The following ATP6V1E1 variants were observed in gnomAD, a reference collection of about 807,000 sequenced individuals.
ATP6V1E1 encodes ATPase H+ transporting V1 subunit E1, also known as V-type proton ATPase subunit E 1.
In ATP6V1E1, 21 loss-of-function variants were observed where a neutral mutation model predicts 35.2. The observed-to-expected ratio is 0.60, with a 90% CI of 0.42 to 0.86. The LOEUF is 0.86. ATP6V1E1 is among the 40% of genes least tolerant of loss of function. The pLI, the probability that ATP6V1E1 is intolerant of heterozygous loss-of-function variation, is 0.00. For missense variants in ATP6V1E1, 183 were observed against 272.6 expected (o/e 0.67, Z 2.32); for synonymous variants, 83 against 87.8 (o/e 0.95, Z 0.30).
At chr22:17,600,245 G>A in intron 5 of ATP6V1E1, 150 bp from the exon 6 acceptor site, 1 of 629,878 alleles carries the variant, frequency 1.6e-6, no homozygotes, top group South Asian at 2.1e-5. Context: ...GACCAGCCTA[G>A]GCAACAAGGC....
chr22:17,605,269 G>A (rs112155592), intron 4 of ATP6V1E1, among the ~76,000 whole-genome samples: 16,399 of 149,286 alleles, frequency 0.11, 1,060 homozygotes, highest in African/African-American at 0.19. Context: ...GGTGGCTCAC[G>A]CCTGTAATCC....
At chr22:17,612,346 A>C (rs576693432) in intron 4 of ATP6V1E1, among the ~76,000 whole-genome samples, 1 of 152,150 alleles carries the variant, frequency 6.6e-6, no homozygotes, top group Non-Finnish European at 1.5e-5. Context: ...TTAGAGGACT[A>C]TAATACTTTC....
chr22:17,604,441 C>T (rs528996482), intron 4 of ATP6V1E1, among the ~76,000 whole-genome samples: 143 of 152,128 alleles, frequency 9.4e-4, no homozygotes, highest in Non-Finnish European at 1.9e-3. Flanking sequence ...AAACCAAAAC[C>T]TGATTATGAT....
At chr22:17,607,393 C>T (rs528663667) in intron 4 of ATP6V1E1, among the ~76,000 whole-genome samples, 5 of 152,018 alleles carry the variant, frequency 3.3e-5, no homozygotes, top group Non-Finnish European at 5.9e-5. Context: ...CCTGACCTCA[C>T]GATCTGCCTG....
chr22:17,610,707 T>C (rs961021468), intron 4 of ATP6V1E1, among the ~76,000 whole-genome samples: 2 of 152,216 alleles, frequency 1.3e-5, no homozygotes, highest in African/African-American at 2.4e-5. Context: ...ATGTCACAGT[T>C]GTCATTTTTT....
At chr22:17,603,497 CTG>C (rs2057771582) in intron 4 of ATP6V1E1, among the ~76,000 whole-genome samples, 3 of 152,062 alleles carry the variant, frequency 2.0e-5, no homozygotes. Flanking sequence ...ACCTGGGAAA[CTG>C]TGTTTTTAAG....
At chr22:17,593,167 T>A (rs1272162057) in intron 8 of ATP6V1E1, among the ~76,000 whole-genome samples, 2 of 151,848 alleles carry the variant, frequency 1.3e-5, no homozygotes. Context: ...GCCACGCACA[T>A]CAAAGCCACC....
At position 17,619,475 on chromosome 22, in the gene ATP6V1E1, C is replaced by A; in HGVS notation, c.85G>T (p.Glu29Ter). The change falls in exon 2 of 9, where the codon GAA (glutamate) becomes TAA (stop). Residue 29 changes from glutamate (E) to a stop codon, truncating the protein, a stop_gained. Coordinates refer to ENST00000253413, the MANE Select transcript of ATP6V1E1 (RefSeq NM_001696.4). LOFTEE classifies it high-confidence loss of function. ...ATGAATCTCACCTTTGCATCTATTTCTTCTGCTTTCTCATTGGCTTCTTGT... is the reference window on the plus strand; with the variant it reads ...ATGAATCTCACCTTTGCATCTATTTATTCTGCTTTCTCATTGGCTTCTTGT... ...IEQEANEKAE[E>*]IDAKAEEEFN... The A allele has an allele frequency of 6.2e-7, 1 of 1,605,416 alleles. No individual in the cohort carries two copies. The highest frequency in any genetic ancestry group is 8.5e-7 in the Non-Finnish European group (1 of 1,176,130).
At chr22:17,623,659 A>G (rs2057889357) in intron 1 of ATP6V1E1, among the ~76,000 whole-genome samples, 1 of 151,452 alleles carries the variant, frequency 6.6e-6, no homozygotes, top group Admixed American at 6.6e-5. Flanking sequence ...TCTGTCTCAA[A>G]AAAAAAAAAA....
At chr22:17,602,698 T>A (rs372935104) in intron 4 of ATP6V1E1, among the ~76,000 whole-genome samples, 3 of 152,206 alleles carry the variant, frequency 2.0e-5, no homozygotes, top group East Asian at 3.9e-4. Context: ...AAGCTCCAAA[T>A]GCAAAGATTC....
intron 4 of ATP6V1E1, 117 bp downstream of exon 4, chr22:17,612,695 T>G: frequency 1.2e-6 from 1 of 865,560 alleles, no homozygotes; most frequent in Admixed American, 3.2e-5. Flanking sequence ...ATAATTGGAA[T>G]GTTTTCTCTC....
chr22:17,611,190 C>T (rs1445520940), intron 4 of ATP6V1E1, among the ~76,000 whole-genome samples: 1 of 152,098 alleles, frequency 6.6e-6, no homozygotes, highest in Non-Finnish European at 1.5e-5. Context: ...AATTTGAATC[C>T]CCTGGAAGGA....
intron 4 of ATP6V1E1, among the ~76,000 whole-genome samples, chr22:17,609,464 C>CA (rs1286856637): frequency 3.3e-5 from 3 of 90,710 alleles, no homozygotes; most frequent in Non-Finnish European, 6.3e-5. Context: ...CCATCCTGCT[C>CA]TTTTTTTTTT....
chr22:17,619,293 C>CA (rs759086265), intron 2 of ATP6V1E1, among the ~76,000 whole-genome samples, 168 bp downstream of exon 2: 108 of 109,170 alleles, frequency 9.9e-4, no homozygotes, highest in South Asian at 3.1e-3. Context: ...ACTCGGTCTC[C>CA]AAAAAAAAAA....
chr22:17,628,333 A>T (rs1036912334), intron 1 of ATP6V1E1, among the ~76,000 whole-genome samples: 1 of 152,236 alleles, frequency 6.6e-6, no homozygotes, highest in African/African-American at 2.4e-5. Flanking sequence ...CTTGGAAAAC[A>T]GGGAATGCTG....
At chr22:17,625,211 T>C (rs886353142) in intron 1 of ATP6V1E1, among the ~76,000 whole-genome samples, 9 of 152,198 alleles carry the variant, frequency 5.9e-5, no homozygotes, top group Non-Finnish European at 1.2e-4. Context: ...TCTTAGTGCA[T>C]ATTAGGTTAA....
intron 4 of ATP6V1E1, among the ~76,000 whole-genome samples, chr22:17,602,049 C>T (rs1300642630): frequency 3.3e-5 from 5 of 152,108 alleles, no homozygotes; most frequent in South Asian, 2.1e-4. Context: ...GGACCACAGG[C>T]GTGTACCACT....
At chr22:17,603,969 G>A (rs540393297) in intron 4 of ATP6V1E1, among the ~76,000 whole-genome samples, 1 of 152,306 alleles carries the variant, frequency 6.6e-6, no homozygotes, top group South Asian at 2.1e-4. Flanking sequence ...CTTGTGGAGC[G>A]TGCTACTAGC....
At chr22:17,619,313 A>AAGGAAGGAG in intron 2 of ATP6V1E1, 148 bp downstream of exon 2, 1 of 738,998 alleles carries the variant, frequency 1.4e-6, no homozygotes, top group East Asian at 2.9e-5. Context: ...AAAATGAAGG[A>AAGGAAGGAG]AGGAAGGAGG....
Sources: allele counts gnomAD v4.1 joint callset (sites outside exome capture counted in the v4.1 genomes callset), GRCh38; gene constraint gnomAD v4.1.1; transcripts MANE v1.5; gene names NCBI Gene and HGNC (gene_info 2026-07-23, HGNC 2026-07-21).